Variants in ZNF438 observed in about 807,000 individuals in gnomAD.
ZNF438 encodes zinc finger protein 438.
A neutral mutation model predicts 38.0 loss-of-function variants in ZNF438; 25 were observed. That is an observed-to-expected ratio of 0.66 (90% confidence interval 0.48 to 0.92). The LOEUF is 0.92. ZNF438 is among the 40% of genes least tolerant of loss of function. The probability of loss-of-function intolerance (pLI) is 0.00; values close to 1 mark genes in which losing one functional copy is unlikely to be tolerated. For synonymous variants in ZNF438, 372 were observed against 364.1 expected (o/e 1.02, Z -0.25); for missense variants, 1,007 against 999.6 (o/e 1.01, Z -0.10).
chr10:30,985,811 T>C (rs2052715505), intron 1 of ZNF438, among the ~76,000 whole-genome samples: 2 of 152,190 alleles, frequency 1.3e-5, no homozygotes, highest in Admixed American at 1.3e-4. Flanking sequence ...GAGCCTCTGA[T>C]TACATTTTAA....
chr10:30,999,175 T>C (rs1424525506), intron 1 of ZNF438, among the ~76,000 whole-genome samples: 1 of 152,224 alleles, frequency 6.6e-6, no homozygotes, highest in African/African-American at 2.4e-5. Context: ...ACAACATTAC[T>C]ATGAGTCATG....
chr10:31,004,083 G>A (rs1176470332), intron 1 of ZNF438, among the ~76,000 whole-genome samples: 2 of 152,122 alleles, frequency 1.3e-5, no homozygotes, highest in Admixed American at 6.5e-5. Context: ...ATGCACCCAG[G>A]AGACATCTGG....
chr10:30,929,118 C>T (rs1290611593), intron 2 of ZNF438, among the ~76,000 whole-genome samples: 1 of 152,196 alleles, frequency 6.6e-6, no homozygotes, highest in Non-Finnish European at 1.5e-5. Flanking sequence ...GGTGGCCAGG[C>T]ACAGTGGCTT....
Position 30,874,114 on chromosome 10 carries a change from G to GTATATA in ZNF438, c.37+2878_37+2883dup, listed in dbSNP as rs58422289. On this transcript the variant is annotated intron_variant, in intron 4 of 5. Coordinates refer to ENST00000413025, the Ensembl canonical transcript of ZNF438. Reference sequence around the variant, plus strand: ...TGTGGGTGTGTGGGGGTGTGTGTGTGTATATATATATATATATATATATAT... The same window carrying GTATATA: ...TGTGGGTGTGTGGGGGTGTGTGTGTGTATATATATATATATATATATATATATATAT... 1.9e-3 allele frequency among the ~76,000 whole-genome samples: 149 copies of GTATATA among 80,092 alleles called. 1 individual carries two copies. The highest frequency in any genetic ancestry group is 6.0e-3 in the Middle Eastern group (1 of 166). 52.5% of individuals were successfully genotyped at this position (80,092 alleles called of 152,430 possible).
intron 3 of ZNF438, among the ~76,000 whole-genome samples, chr10:30,886,211 T>C (rs1324944279): frequency 1.3e-5 from 2 of 152,242 alleles, no homozygotes; most frequent in East Asian, 3.8e-4. Context: ...TCAGACACCA[T>C]ATAACTGAAA....
chr10:30,891,912 T>C (rs962621335), intron 3 of ZNF438, among the ~76,000 whole-genome samples: 1 of 152,188 alleles, frequency 6.6e-6, no homozygotes, highest in African/African-American at 2.4e-5. Flanking sequence ...TCAGAAGGCA[T>C]TCAGGCCAGT....
At chr10:30,943,899 G>C (rs111336016) in intron 1 of ZNF438, among the ~76,000 whole-genome samples, 135 of 150,382 alleles carry the variant, frequency 9.0e-4, no homozygotes, top group African/African-American at 3.0e-3. Context: ...AACAAATTGC[G>C]GCCTTTGAAT....
intron 1 of ZNF438, among the ~76,000 whole-genome samples, chr10:30,994,305 C>T (rs2053821894): frequency 1.3e-5 from 2 of 152,166 alleles, no homozygotes; most frequent in Admixed American, 1.3e-4. Flanking sequence ...CAAAGGTTCA[C>T]CGTATTGGAA....
intron 5 of ZNF438, among the ~76,000 whole-genome samples, chr10:30,847,413 G>A (rs766062327): frequency 4.6e-5 from 7 of 152,184 alleles, no homozygotes; most frequent in African/African-American, 7.2e-5. Context: ...CTGCAGAGAG[G>A]AACTGCCCCC....
chr10:30,845,551 C>G (rs781426656), exon 6 of ZNF438: 1 of 1,612,018 alleles, frequency 6.2e-7, no homozygotes, highest in Non-Finnish European at 8.5e-7. Flanking sequence ...AGGAAGTCTT[C>G]TTCCAGGTTG....
At chr10:30,921,380 A>C (rs1459780287) in intron 2 of ZNF438, 1 of 152,238 alleles carries the variant, frequency 6.6e-6, no homozygotes, top group Non-Finnish European at 1.5e-5. Context: ...TTGAAGGACT[A>C]TTTGGACAGA....
chr10:30,932,141 C>T (rs996571055), intron 2 of ZNF438, among the ~76,000 whole-genome samples: 1 of 152,106 alleles, frequency 6.6e-6, no homozygotes, highest in Non-Finnish European at 1.5e-5. Context: ...CTTCAGTTAG[C>T]TTCAAGTGCA....
chr10:30,953,402 T>G (rs1401353932), intron 1 of ZNF438, among the ~76,000 whole-genome samples: 27 of 146,702 alleles, frequency 1.8e-4, no homozygotes, highest in Admixed American at 2.0e-4. Flanking sequence ...TAAAGTATAA[T>G]AAAAAAAATT....
rs192867114 is a variant in ZNF438, at chr10:30,870,110, T to C, written c.37+6888A>G. On this transcript the variant is annotated intron_variant, in intron 4 of 5. Transcript: ENST00000413025. ...GAGAAAAACGTCATAAAAAATAGCT[T>C]TTATTCTGTAAATTATCCTGAGGCT... 4.1e-3 allele frequency among the ~76,000 whole-genome samples: 629 copies of C among 152,328 alleles called. 8 individuals are homozygous for C. The highest frequency in any genetic ancestry group is 4.1e-3 in the Non-Finnish European group (282 of 68,036).
intron 1 of ZNF438, among the ~76,000 whole-genome samples, chr10:31,020,867 A>G (rs1345792772): frequency 6.6e-6 from 1 of 151,832 alleles, no homozygotes; most frequent in Admixed American, 6.6e-5. Context: ...TACAGGTCAG[A>G]AATTTGGTCT....
chr10:31,016,643 C>G (rs1040686486), intron 1 of ZNF438, among the ~76,000 whole-genome samples: 1 of 152,168 alleles, frequency 6.6e-6, no homozygotes, highest in Non-Finnish European at 1.5e-5. Context: ...AGCTAACTCA[C>G]CAATGCTTCA....
rs564949940 is a variant in ZNF438 at position 30,995,165 on chromosome 10, A to G, written c.-192+36668T>C. Reference sequence around the variant, plus strand: ...TCCCCCAAGGAGCTCAACAAATTCTAAATAGGATAAATACAAAGAGATATA... The same window carrying G: ...TCCCCCAAGGAGCTCAACAAATTCTGAATAGGATAAATACAAAGAGATATA... On this transcript the variant is annotated intron_variant, in intron 1 of 5. Coordinates refer to ENST00000413025, the Ensembl canonical transcript of ZNF438. 7.2e-5 allele frequency among the ~76,000 whole-genome samples: 11 copies of G among 152,320 alleles called. 2 individuals carry two copies. The South Asian group carries it at 2.3e-3, about 32-fold the overall frequency.
chr10:31,030,001 C>A (rs982033443), intron 1 of ZNF438, among the ~76,000 whole-genome samples: 10 of 152,208 alleles, frequency 6.6e-5, no homozygotes, highest in African/African-American at 2.4e-4. Flanking sequence ...AAATTCTTAA[C>A]CTTTCTGTGT....
chr10:30,932,076 T>C (rs569793309), intron 2 of ZNF438, among the ~76,000 whole-genome samples: 109 of 152,316 alleles, frequency 7.2e-4, no homozygotes, highest in Admixed American at 2.2e-3. Flanking sequence ...CAGGCCATTG[T>C]GCTCAGCAAC....
Sources: allele counts gnomAD v4.1 joint callset (sites outside exome capture counted in the v4.1 genomes callset), GRCh38; gene constraint gnomAD v4.1.1; transcripts MANE v1.5; gene names NCBI Gene and HGNC (gene_info 2026-07-23, HGNC 2026-07-21).